Variants in WDR43 observed in about 807,000 individuals in gnomAD.
The protein encoded by WDR43 is WD repeat-containing protein 43.
WDR43 carries 13 observed loss-of-function variants against 91.4 expected under a neutral mutation model. The observed-to-expected ratio is 0.14, with a 90% CI of 0.09 to 0.23. The LOEUF (loss-of-function observed/expected upper bound fraction) is 0.23. WDR43 is among the 10% of genes least tolerant of loss of function. WDR43 has a pLI of 1.00. For synonymous variants in WDR43, 331 were observed against 287.9 expected (o/e 1.15, Z -1.51); for missense variants, 780 against 809.4 (o/e 0.96, Z 0.44).
At chr2:28,929,084 AATC>A (rs1671196176) in intron 10 of WDR43, among the ~76,000 whole-genome samples, 1 of 152,220 alleles carries the variant, frequency 6.6e-6, no homozygotes, top group Admixed American at 6.5e-5. Context: ...CTAGCTAATA[AATC>A]ATCATTTGGA....
intron 10 of WDR43, among the ~76,000 whole-genome samples, chr2:28,929,296 C>G (rs1671198491): frequency 6.6e-6 from 1 of 152,102 alleles, no homozygotes; most frequent in Non-Finnish European, 1.5e-5. Context: ...CTTGCCTTTT[C>G]TGAATCTTCA....
intron 5 of WDR43, 32 bp from the exon 6 acceptor site, chr2:28,917,861 T>G: frequency 1.3e-6 from 2 of 1,544,200 alleles, no homozygotes; most frequent in Non-Finnish European, 8.8e-7. Flanking sequence ...TAAATCTGTC[T>G]TGCTATCTAA....
chr2:28,909,598 C>T (rs987932805), intron 3 of WDR43, among the ~76,000 whole-genome samples: 16 of 152,064 alleles, frequency 1.1e-4, no homozygotes, highest in African/African-American at 3.1e-4. Context: ...GGTGGCTGGG[C>T]GTGGTGGCTT....
intron 7 of WDR43, among the ~76,000 whole-genome samples, 172 bp downstream of exon 7, chr2:28,923,155 A>G (rs1671068427): frequency 6.6e-6 from 1 of 152,206 alleles, no homozygotes; most frequent in Admixed American, 6.5e-5. Context: ...CTGGGTGTCA[A>G]ATTTATATAT....
chr2:28,912,638 A>C lies in WDR43; in HGVS notation c.534A>C (p.Pro178=), dbSNP rs1306163403. ...NSSVSSLCIS[P]DGKMLLSAGR... is the part of the protein sequence containing the mutation. ...GTGTCAGTTCCCTATGTATCAGCCC[A>C]GATGGAAAGATGTTGCTTTCAGCTG... is the stretch of plus-strand genomic sequence containing the variant. The change falls in exon 4 of 18, where the codon CCA becomes CCC. Residue 178 remains proline, a synonymous_variant. Coordinates refer to ENST00000407426, the MANE Select transcript of WDR43 (RefSeq NM_015131.3). 6.2e-7 allele frequency: 1 copy of C among 1,614,010 alleles called. No individual in the cohort carries two copies. Among genetic ancestry groups the C allele is most frequent in the Non-Finnish European group, 8.5e-7 (1 of 1,179,882 alleles).
At chr2:28,901,960 A>T (rs1480553024) in intron 1 of WDR43, 27 bp from the exon 2 acceptor site, 1 of 1,576,250 alleles carries the variant, frequency 6.3e-7, no homozygotes, top group Admixed American at 2.1e-5. Flanking sequence ...AATACTAAAT[A>T]AAAACATTGT....
chr2:28,904,446 G>GT (rs1482249997), intron 2 of WDR43, among the ~76,000 whole-genome samples: 2 of 152,210 alleles, frequency 1.3e-5, no homozygotes, highest in African/African-American at 4.8e-5. Flanking sequence ...GAACAAGTGA[G>GT]TGAACACATC....
intron 6 of WDR43, among the ~76,000 whole-genome samples, chr2:28,922,403 A>G (rs1356556328): frequency 6.6e-6 from 1 of 152,178 alleles, no homozygotes; most frequent in East Asian, 1.9e-4. Context: ...AGGTAGGAGC[A>G]TGCAGAGAGC....
chr2:28,936,110 G>C (rs919508317), intron 12 of WDR43, among the ~76,000 whole-genome samples: 1 of 151,958 alleles, frequency 6.6e-6, no homozygotes, highest in African/African-American at 2.4e-5. Context: ...TTGAGCCCAG[G>C]AGTTTAAGAC....
intron 3 of WDR43, 103 bp from the exon 4 acceptor site, chr2:28,912,487 C>G: frequency 7.1e-7 from 1 of 1,402,386 alleles, no homozygotes; most frequent in Non-Finnish European, 9.8e-7. Flanking sequence ...GGACCTGAGG[C>G]GATATTTTTA....
chr2:28,900,870 A>C (rs556104709), intron 1 of WDR43, among the ~76,000 whole-genome samples: 1 of 152,074 alleles, frequency 6.6e-6, no homozygotes, highest in African/African-American at 2.4e-5. Context: ...ACTGCATTTC[A>C]TCTGTGTCCA....
At position 28,941,463 on chromosome 2, in the gene WDR43, G is replaced by A. The variant is rs1191200336; in HGVS notation, c.1623G>A (p.Leu541=). ...LTVHASYLST[L]PDLVPQLGTL... is the part of the protein sequence containing the mutation. ...CAAATGATCATTTTTTTCTCTAGTT[G>A]CCTGACCTGGTACCCCAGCTGGGGA... is the stretch of plus-strand genomic sequence containing the variant. Residue 541 remains leucine, a splice_region_variant and synonymous_variant, in exon 15 of 18, where the codon TTG becomes TTA. Transcript: ENST00000407426. 6 of 1,609,770 alleles carry A rather than the reference G, an allele frequency of 3.7e-6. No individual in the cohort carries two copies. The highest frequency in any genetic ancestry group is 4.2e-6 in the Non-Finnish European group (5 of 1,178,282).
At position 28,912,674 on chromosome 2, in the gene WDR43, C is replaced by A. The variant is rs1670825047; in HGVS notation, c.570C>A (p.Ile190=). Residue 190 remains isoleucine (I), a synonymous_variant, in exon 4 of 18, where the codon ATC becomes ATA. Coordinates refer to ENST00000407426, the MANE Select transcript of WDR43 (RefSeq NM_015131.3). ...GKMLLSAGRT[I]KLWVLETKEV... ...TGTTGCTTTCAGCTGGTCGAACAAT[C>A]AAACTATGGGTTTTGGAGACCAAAG... 6.2e-7 allele frequency: 1 copy of A among 1,613,934 alleles called. No homozygotes were observed. Among genetic ancestry groups the A allele is most frequent in the Non-Finnish European group, 8.5e-7 (1 of 1,179,878 alleles).
intron 6 of WDR43, 137 bp from the exon 7 acceptor site, chr2:28,922,782 A>T: frequency 1.6e-6 from 1 of 618,136 alleles, no homozygotes. Flanking sequence ...TTATTTTTAA[A>T]TGGATTCTTG....
chr2:28,903,827 CAG>C (rs1670623684), intron 2 of WDR43, among the ~76,000 whole-genome samples: 2 of 152,012 alleles, frequency 1.3e-5, no homozygotes, highest in African/African-American at 2.4e-5. Flanking sequence ...TTTTTAAAGA[CAG>C]AGTCTCACTC....
chr2:28,935,491 C>T lies in WDR43; in HGVS notation c.1438-30C>T, dbSNP rs745832803. The T allele has an allele frequency of 4.1e-6, 6 of 1,472,900 alleles. No individual in the cohort carries two copies. The Admixed American group carries it at 8.1e-5, about 20-fold the overall frequency. The allele number at this position is 1,472,900 out of a possible 1,614,324, so 91.2% of individuals were successfully genotyped here. ...GATGTCCTTGGTTTGTCAGTATGCT[C>T]ATCTTAATAATCCTTTTATTTTCTC... On this transcript the variant is annotated intron_variant, in intron 11 of 17. Coordinates refer to ENST00000407426, the MANE Select transcript of WDR43 (RefSeq NM_015131.3).
intron 11 of WDR43, among the ~76,000 whole-genome samples, chr2:28,932,255 C>A (rs900023800): frequency 2.6e-5 from 4 of 152,004 alleles, no homozygotes; most frequent in Non-Finnish European, 5.9e-5. Context: ...CCTCTGCCTC[C>A]CAGGTTCAAG....
chr2:28,933,857 T>C (rs1671292283), intron 11 of WDR43, among the ~76,000 whole-genome samples: 1 of 152,218 alleles, frequency 6.6e-6, no homozygotes, highest in Non-Finnish European at 1.5e-5. Context: ...GGTGAGGATG[T>C]AGAGCAGCTG....
chr2:28,931,864 T>TC (rs1434976822), intron 11 of WDR43, among the ~76,000 whole-genome samples: 1 of 146,750 alleles, frequency 6.8e-6, no homozygotes, highest in African/African-American at 2.5e-5. Flanking sequence ...CACATGCCCT[T>TC]CCCCCCGCCC....
Sources: allele counts gnomAD v4.1 joint callset (sites outside exome capture counted in the v4.1 genomes callset), GRCh38; gene constraint gnomAD v4.1.1; transcripts MANE v1.5; gene names NCBI Gene and HGNC (gene_info 2026-07-23, HGNC 2026-07-21).